The following EPHA10 variants were observed in gnomAD, a reference collection of about 807,000 sequenced individuals.
EPHA10 encodes ephrin type-A receptor 10.
In EPHA10, 120 loss-of-function variants were observed where a neutral mutation model predicts 109.7. That is an observed-to-expected ratio of 1.09 (90% CI 0.94 to 1.27). The LOEUF (loss-of-function observed/expected upper bound fraction) is 1.27, where lower values mean the gene tolerates loss of function less well. Ranked by LOEUF, EPHA10 falls within the 50% of genes most tolerant of loss-of-function variation. EPHA10 has a pLI of 0.00. For missense variants in EPHA10, 1,396 were observed against 1,411.1 expected, an observed-to-expected ratio of 0.99 and a Z score of 0.17; for synonymous variants, 640 against 618.9, an observed-to-expected ratio of 1.03 and a Z score of -0.51.
chr1:37,762,957 GT>G lies in EPHA10; in HGVS notation c.107-109del, dbSNP rs528089087. On this transcript the variant is annotated intron_variant, in intron 1 of 16. Coordinates refer to ENST00000373048, the MANE Select transcript of EPHA10 (RefSeq NM_001099439.2). Reference sequence around the variant, plus strand: ...TAAATTTGCTGAGAGAATGCAATATGTGACAAATGATATGGGCAAGTTTTTC... The same window carrying G: ...TAAATTTGCTGAGAGAATGCAATATGGACAAATGATATGGGCAAGTTTTTC... 3.9e-5 allele frequency: 42 copies of G among 1,066,634 alleles called. No individual in the cohort carries two copies. In the Middle Eastern group the frequency reaches 8.2e-4, roughly 21 times the overall value. The allele number at this position is 1,066,634 out of a possible 1,614,324, so 66.1% of individuals were successfully genotyped here.
At chr1:37,726,880 C>T (rs1019554634) in intron 8 of EPHA10, among the ~76,000 whole-genome samples, 1 of 152,212 alleles carries the variant, frequency 6.6e-6, no homozygotes, top group Non-Finnish European at 1.5e-5. Flanking sequence ...CGCTAAATCC[C>T]CTTCATCCCA....
chr1:37,723,340 G>T lies in EPHA10; in HGVS notation c.1805C>A (p.Ala602Asp). Residue 602 changes from alanine to aspartate, a missense_variant, in exon 9 of 17, where the codon GCC becomes GAC. Coordinates refer to ENST00000373048, the MANE Select transcript of EPHA10 (RefSeq NM_001099439.2). The stretch of plus-strand genomic sequence containing the variant: ...GAAATACAGCTCCTCTTCATCATGG[G>T]CATCCCCTCCTCCTTTGCCATAGCT... ...PCSYGKGGGDAHDEEELYFHF... is the reference protein window; with the variant it reads ...PCSYGKGGGDDHDEEELYFHF... 1 of 1,614,168 alleles carries T rather than the reference G, an allele frequency of 6.2e-7. No individual in the cohort carries two copies. The highest frequency in any genetic ancestry group is 1.6e-4 in the Middle Eastern group (1 of 6,062).
chr1:37,751,230 GAA>G (rs1322830043), intron 5 of EPHA10, among the ~76,000 whole-genome samples: 32 of 73,928 alleles, frequency 4.3e-4, no homozygotes, highest in Middle Eastern at 7.2e-3. Context: ...AAGAAAGAAA[GAA>G]AAAGAAAAAG....
At chr1:37,720,737 C>T (rs765633705) in intron 12 of EPHA10, 46 bp downstream of exon 12, 9 of 1,607,562 alleles carry the variant, frequency 5.6e-6, no homozygotes, top group South Asian at 4.4e-5. Context: ...GACCCCTGCC[C>T]GCTTTACAGA....
intron 5 of EPHA10, among the ~76,000 whole-genome samples, chr1:37,736,790 GTGTTCTTATA>G (rs2148338954): frequency 6.6e-6 from 1 of 152,288 alleles, no homozygotes; most frequent in South Asian, 2.1e-4. Flanking sequence ...AAAATTTGTT[GTGTTCTTATA>G]CACAATGAAC....
In EPHA10 at chr1:37,732,962, G is replaced by A. The variant is rs552123611; in HGVS notation, c.1492-1380C>T. ...TGGAATGCAGTGTGGTGCAATCTCG[G>A]CTCACTGCAACCTCCACCTCCTGGG... On this transcript the variant is annotated intron_variant, in intron 6 of 16. Transcript: ENST00000373048. Among the ~76,000 whole-genome samples, 15 of 121,550 alleles carry A rather than the reference G, an allele frequency of 1.2e-4. No homozygotes were observed. In the South Asian group the frequency reaches 2.2e-3, roughly 18 times the overall value. 79.7% of individuals were successfully genotyped at this position (121,550 alleles called of 152,430 possible). A position where few individuals can be genotyped will look rare whatever the true frequency, so the allele number is the denominator to read the frequency against.
chr1:37,728,750 CGA>C (rs1026579294), intron 7 of EPHA10, among the ~76,000 whole-genome samples: 6 of 151,920 alleles, frequency 3.9e-5, no homozygotes, highest in African/African-American at 1.2e-4. Context: ...GAACAGAAGA[CGA>C]GAGTTAGAAG....
chr1:37,731,412 C>T lies in EPHA10; in HGVS notation c.1662G>A (p.Glu554=), dbSNP rs1645979809. 2.5e-6 allele frequency: 4 copies of T among 1,600,948 alleles called. No individual in the cohort carries two copies. The African/African-American group carries it at 5.4e-5, about 21-fold the overall frequency. Residue 554 remains glutamate (E), a splice_region_variant and synonymous_variant, in exon 7 of 17, where the codon GAG becomes GAA. Coordinates refer to ENST00000373048, the MANE Select transcript of EPHA10 (RefSeq NM_001099439.2). ...NPSIEVQTLG[E]AASGSRDQSP... is the part of the protein sequence containing the mutation. ...TGTCCACTCACACACACTACTTACC[C>T]TCCCCCAGGGTCTGTACTTCAATGC...
intron 7 of EPHA10, among the ~76,000 whole-genome samples, chr1:37,730,067 C>T (rs929844986): frequency 1.3e-5 from 2 of 152,074 alleles, no homozygotes; most frequent in Admixed American, 1.3e-4. Context: ...CCCCACTACG[C>T]CCACTCCAGC....
intron 5 of EPHA10, among the ~76,000 whole-genome samples, chr1:37,750,089 TAGAC>T (rs1219771585): frequency 1.3e-5 from 2 of 152,186 alleles, no homozygotes; most frequent in South Asian, 2.1e-4. Flanking sequence ...GAGATCAAGA[TAGAC>T]AGGAAAAATT....
intron 12 of EPHA10, 113 bp from the exon 13 acceptor site, chr1:37,720,667 G>C: frequency 6.5e-7 from 1 of 1,537,494 alleles, no homozygotes. Context: ...TGTGACCACA[G>C]GTCAGCCCGG....
At chr1:37,761,321 G>T (rs760583248) in intron 3 of EPHA10, 84 bp downstream of exon 3, 2 of 1,553,694 alleles carry the variant, frequency 1.3e-6, no homozygotes, top group South Asian at 2.4e-5. Flanking sequence ...CCCCACACCC[G>T]CCTCTTTCCT....
Position 37,731,472 on chromosome 1 carries a change from CG to C in EPHA10, c.1601del (p.Pro534ArgfsTer37). Reference protein sequence around the residue: ...RYVFQIRAASPGPSWEAQSFN... With the variant: ...RYVFQIRAASXGPSWEAQSFN... Reference sequence around the variant, plus strand: ...AACTCTGGGCCTCCCAGGATGGCCCCGGGGAAGCGGCCCGGATCTGAAAGAC... The same window carrying C: ...AACTCTGGGCCTCCCAGGATGGCCCCGGGAAGCGGCCCGGATCTGAAAGAC... On this transcript the variant is annotated frameshift_variant, in exon 7 of 17. Transcript: ENST00000373048. LOFTEE classifies it high-confidence loss of function. 1.2e-6 allele frequency: 2 copies of C among 1,613,930 alleles called. No homozygotes were observed. Among genetic ancestry groups the C allele is most frequent in the South Asian group, 1.1e-5 (1 of 91,048 alleles).
chr1:37,723,341 C>T lies in EPHA10; in HGVS notation c.1804G>A (p.Ala602Thr). ...AAATACAGCTCCTCTTCATCATGGG[C>T]ATCCCCTCCTCCTTTGCCATAGCTG... is the stretch of plus-strand genomic sequence containing the variant. ...PCSYGKGGGD[A>T]HDEEELYFHF... The change falls in exon 9 of 17, where the codon GCC becomes ACC. Residue 602 changes from alanine (A) to threonine (T), a missense_variant. By Grantham distance (58) the Ala-to-Thr change is moderately conservative. Transcript: ENST00000373048. The T allele has an allele frequency of 6.2e-7, 1 of 1,614,228 alleles. No individual in the cohort carries two copies. Among genetic ancestry groups the T allele is most frequent in the South Asian group, 1.1e-5 (1 of 91,080 alleles).
chr1:37,722,391 T>G lies in EPHA10; in HGVS notation c.1961-546A>C, dbSNP rs141058374. 242 of 230,092 alleles carry G rather than the reference T, an allele frequency of 1.1e-3. 1 individual carries two copies. Among genetic ancestry groups the G allele is most frequent in the African/African-American group, 5.3e-3 (230 of 43,256 alleles). 14.3% of individuals were successfully genotyped at this position (230,092 alleles called of 1,614,324 possible). ...GACAATGACATCTATTCTTCCACCC[T>G]GCCCCTTTCCGGCTTCTGTCCAGCG... is the stretch of plus-strand genomic sequence containing the variant. On this transcript the variant is annotated intron_variant, in intron 10 of 16. Coordinates refer to ENST00000373048, the MANE Select transcript of EPHA10 (RefSeq NM_001099439.2).
intron 2 of EPHA10, 115 bp downstream of exon 2, chr1:37,762,670 G>T: frequency 1.2e-6 from 1 of 861,284 alleles, no homozygotes; most frequent in Non-Finnish European, 1.6e-6. Context: ...AGGGCTGCTG[G>T]AGACCACACA....
intron 1 of EPHA10, among the ~76,000 whole-genome samples, chr1:37,763,976 A>G (rs938836256): frequency 1.3e-5 from 2 of 152,164 alleles, no homozygotes; most frequent in Non-Finnish European, 1.5e-5. Flanking sequence ...AGAAGCTTGA[A>G]GTCCCTTTAT....
rs866576085 is a variant in EPHA10 at position 37,761,695 on chromosome 1, C to G, written c.560G>C (p.Gly187Ala). The G allele has an allele frequency of 6.2e-7, 1 of 1,612,778 alleles. No homozygotes were observed. The highest frequency in any genetic ancestry group is 1.3e-5 in the African/African-American group (1 of 74,932). Residue 187 changes from glycine (G) to alanine (A), a missense_variant, in exon 3 of 17, where the codon GGT becomes GCT. Physicochemically the swap from Gly to Ala is moderately conservative, Grantham distance 60. Transcript: ENST00000373048. ...CACGTCCTGAAAGGCCAGGTGGAAA[C>G]CCCGCCGGCTGAGCGGTCCGATCTC... ...VREIGPLSRR[G>A]FHLAFQDVGA...
chr1:37,722,558 G>A (rs1645816309), intron 10 of EPHA10, among the ~76,000 whole-genome samples: 1 of 152,216 alleles, frequency 6.6e-6, no homozygotes, highest in African/African-American at 2.4e-5. Flanking sequence ...CCGACAGCCA[G>A]GCCCTGTGAG....
Sources: gnomAD v4.1 joint callset for allele counts (sites outside exome capture counted in the v4.1 genomes callset) on GRCh38, gnomAD v4.1.1 for gene constraint, MANE v1.5 for transcripts, NCBI Gene and HGNC (gene_info 2026-07-23, HGNC 2026-07-21) for gene names.